The following CNGB3 variants were observed in gnomAD, a reference collection of about 807,000 sequenced individuals.
CNGB3 encodes cyclic nucleotide-gated channel beta-3.
CNGB3 carries 86 observed loss-of-function variants against 92.8 expected under a neutral mutation model. The ratio of observed to expected loss-of-function variants is 0.93; its 90% CI spans 0.78 to 1.11. The LOEUF is 1.11. CNGB3 is among the 50% of genes least tolerant of loss of function. CNGB3 has a pLI of 0.00. For missense variants in CNGB3, 1,026 were observed against 956.8 expected (o/e 1.07, Z -0.95); for synonymous variants, 333 against 332.7 (o/e 1.00, Z -0.01).
chr8:86,636,324 T>C lies in CNGB3; in HGVS notation c.1179-3431A>G, dbSNP rs368026007. Among the ~76,000 whole-genome samples, 116 of 151,930 alleles carry C rather than the reference T, an allele frequency of 7.6e-4. 1 individual carries two copies. The South Asian group carries it at 0.012, about 16-fold the overall frequency. ...TGGCGGCTCACACCTGTAATCCCAG[T>C]GCTTTGGTAGGCTGAGGCGGGTGGA... On this transcript the variant is annotated intron_variant, in intron 10 of 17. Transcript: ENST00000320005.
chr8:86,658,102 C>T (rs1375889098), intron 6 of CNGB3: 1 of 527,866 alleles, frequency 1.9e-6, no homozygotes, highest in East Asian at 4.2e-5. Context: ...GGCCTCCCCA[C>T]ACACAGAATC....
At chr8:86,672,796 A>T (rs904708366) in intron 3 of CNGB3, among the ~76,000 whole-genome samples, 2 of 152,146 alleles carry the variant, frequency 1.3e-5, no homozygotes, top group Non-Finnish European at 2.9e-5. Context: ...CCTTCTTATT[A>T]TCATGGTACA....
intron 15 of CNGB3, chr8:86,593,705 G>T: frequency 5.0e-6 from 4 of 794,668 alleles, no homozygotes; most frequent in Non-Finnish European, 6.2e-6. Context: ...CACGCTGAGG[G>T]CCAGGCCTGT....
intron 15 of CNGB3, among the ~76,000 whole-genome samples, chr8:86,598,231 A>C (rs1047976635): frequency 6.6e-6 from 1 of 152,156 alleles, no homozygotes; most frequent in African/African-American, 2.4e-5. Context: ...GTGGAGACTG[A>C]TTGTGGAGGA....
intron 2 of CNGB3, among the ~76,000 whole-genome samples, chr8:86,734,926 T>G (rs1250660152): frequency 6.6e-6 from 1 of 152,114 alleles, no homozygotes; most frequent in East Asian, 1.9e-4. Context: ...AGTGTTGTCC[T>G]TATTTTATAC....
intron 2 of CNGB3, among the ~76,000 whole-genome samples, chr8:86,734,919 G>C (rs940627338): frequency 6.6e-6 from 1 of 151,836 alleles, no homozygotes; most frequent in Non-Finnish European, 1.5e-5. Flanking sequence ...TGATAACAGT[G>C]TTGTCCTTAT....
At chr8:86,593,166 C>T (rs1425031480) in intron 15 of CNGB3, among the ~76,000 whole-genome samples, 2 of 152,032 alleles carry the variant, frequency 1.3e-5, no homozygotes, top group African/African-American at 4.8e-5. Context: ...ATGCTTAGTC[C>T]CTTTTCCCCT....
At chr8:86,646,879 T>G (rs1175124987) in intron 8 of CNGB3, among the ~76,000 whole-genome samples, 4 of 151,208 alleles carry the variant, frequency 2.6e-5, no homozygotes, top group Non-Finnish European at 5.9e-5. Flanking sequence ...TTTGAATAGG[T>G]AATACATTCA....
intron 15 of CNGB3, among the ~76,000 whole-genome samples, chr8:86,581,305 A>C (rs1821760220): frequency 6.6e-6 from 1 of 152,148 alleles, no homozygotes; most frequent in Non-Finnish European, 1.5e-5. Context: ...TGCTCATTTT[A>C]ATAAATTGTT....
intron 3 of CNGB3, among the ~76,000 whole-genome samples, chr8:86,672,210 T>C (rs1823874521): frequency 1.3e-5 from 2 of 152,090 alleles, no homozygotes; most frequent in Admixed American, 6.5e-5. Flanking sequence ...GCAATTCTCA[T>C]GCCGCAGCCT....
chr8:86,618,839 C>T (rs1822667928), intron 13 of CNGB3, among the ~76,000 whole-genome samples: 1 of 152,198 alleles, frequency 6.6e-6, no homozygotes, highest in Non-Finnish European at 1.5e-5. Context: ...GATGTCACTG[C>T]TGGGGATCTG....
rs1173943957 is a variant in CNGB3, at chr8:86,661,951, CCAT to C, written c.852+4971_852+4973del. ...CTCTAGGCACGAGAAGAGGCTCAAC[CCAT>C]CATGGAACAGTCCTGGCCTCCGTGG... On this transcript the variant is annotated intron_variant, in intron 6 of 17. Coordinates refer to ENST00000320005, the MANE Select transcript of CNGB3 (RefSeq NM_019098.5). The C allele has an allele frequency of 3.7e-5, 24 of 645,072 alleles. No homozygotes were observed. The East Asian group carries it at 4.8e-4, about 13-fold the overall frequency. The allele number at this position is 645,072 out of a possible 1,614,324, so 40.0% of individuals were successfully genotyped here. A position where few individuals can be genotyped will look rare whatever the true frequency, so the allele number is the denominator to read the frequency against.
At chr8:86,670,619 G>T (rs1170624678) in intron 4 of CNGB3, among the ~76,000 whole-genome samples, 1 of 151,716 alleles carries the variant, frequency 6.6e-6, no homozygotes, top group East Asian at 1.9e-4. Context: ...TCACTATGCT[G>T]CCCAGGCTGG....
At chr8:86,599,262 T>C (rs1431480592) in intron 15 of CNGB3, among the ~76,000 whole-genome samples, 2 of 152,262 alleles carry the variant, frequency 1.3e-5, no homozygotes, top group Non-Finnish European at 2.9e-5. Flanking sequence ...CCTTGTGATT[T>C]CCTATGCTTG....
At chr8:86,646,331 G>A (rs1823291889) in intron 8 of CNGB3, among the ~76,000 whole-genome samples, 1 of 150,856 alleles carries the variant, frequency 6.6e-6, no homozygotes, top group African/African-American at 2.4e-5. Flanking sequence ...ATGGGATAAA[G>A]AACCTCTGAA....
chr8:86,694,368 C>T (rs1824399822), intron 3 of CNGB3, among the ~76,000 whole-genome samples: 2 of 150,194 alleles, frequency 1.3e-5, no homozygotes, highest in Non-Finnish European at 3.0e-5. Context: ...CCCCCACTTC[C>T]CTCCCGGACG....
At chr8:86,651,139 T>C (rs536956818) in intron 7 of CNGB3, among the ~76,000 whole-genome samples, 6 of 150,496 alleles carry the variant, frequency 4.0e-5, no homozygotes, top group Admixed American at 3.3e-4. Flanking sequence ...AGTGATATAA[T>C]GGACTTTGAA....
intron 3 of CNGB3, among the ~76,000 whole-genome samples, chr8:86,717,171 A>G (rs1361731689): frequency 6.6e-6 from 1 of 152,186 alleles, no homozygotes; most frequent in Non-Finnish European, 1.5e-5. Context: ...AAATACCACA[A>G]TCCTAAATAT....
chr8:86,719,170 G>C (rs1166094757), intron 3 of CNGB3, among the ~76,000 whole-genome samples: 1 of 151,940 alleles, frequency 6.6e-6, no homozygotes, highest in Non-Finnish European at 1.5e-5. Context: ...GTCATAGCCA[G>C]AGCAATCAGA....
Sources: gnomAD v4.1 joint callset for allele counts (sites outside exome capture counted in the v4.1 genomes callset) on GRCh38, gnomAD v4.1.1 for gene constraint, MANE v1.5 for transcripts, NCBI Gene and HGNC (gene_info 2026-07-23, HGNC 2026-07-21) for gene names.